Variants in PCDHGB1 observed in about 807,000 individuals in gnomAD.
The protein encoded by PCDHGB1 is protocadherin gamma subfamily B, 1, also known as protocadherin gamma-B1.
In PCDHGB1, 34 loss-of-function variants were observed where a neutral mutation model predicts 56.6. That is an observed-to-expected ratio of 0.60 (90% CI 0.46 to 0.80). The LOEUF is 0.80. Among genes scored for constraint, PCDHGB1 ranks in the 30% least tolerant of loss-of-function variants. The probability of loss-of-function intolerance (pLI) is 0.00; values close to 1 mark genes in which losing one functional copy is unlikely to be tolerated. For synonymous variants in PCDHGB1, 561 were observed against 505.9 expected, an observed-to-expected ratio of 1.11 and a Z score of -1.46; for missense variants, 1,278 against 1,204.6, an observed-to-expected ratio of 1.06 and a Z score of -0.90.
At position 141,431,123 on chromosome 5, in the gene PCDHGB1, GAAGT is replaced by G. The variant is rs751548736; in HGVS notation, c.2410-63680_2410-63677del. The G allele has an allele frequency of 1.2e-6, 2 of 1,614,100 alleles. No individual in the cohort carries two copies. The highest frequency in any genetic ancestry group is 3.3e-5 in the Admixed American group (2 of 60,014). On this transcript the variant is annotated intron_variant, in intron 1 of 3. Transcript: ENST00000523390. This position sits in a 1 kb window ranked among gnomAD's most constrained non-coding sequence, Gnocchi z 4.8. ...AGTGAAAATATATGGAGTAGAAGTA[GAAGT>G]AAGGGACATTAACGACAATGCGCCT... is the stretch of plus-strand genomic sequence containing the variant.
Position 141,487,767 on chromosome 5 carries a change from T to G in PCDHGB1, c.2410-7040T>G, listed in dbSNP as rs2099665569. The G allele has an allele frequency of 5.2e-6, 8 of 1,538,298 alleles. No homozygotes were observed. The African/African-American group carries it at 9.6e-5, about 18-fold the overall frequency. On this transcript the variant is annotated intron_variant, in intron 1 of 3. Transcript: ENST00000523390. This position sits in a 1 kb window ranked among gnomAD's most constrained non-coding sequence, Gnocchi z 5.0. ...GGTAACTATGTGGTAGACGCTGTGC[T>G]TTGTAACTGTTTCGTGAATTAACCA... is the stretch of plus-strand genomic sequence containing the variant.
intron 1 of PCDHGB1, chr5:141,414,643 C>G (rs765652709): frequency 1.2e-6 from 2 of 1,613,942 alleles, no homozygotes; most frequent in Non-Finnish European, 8.5e-7. Flanking sequence ...AGAGAATGCC[C>G]AGATTATTTA....
At chr5:141,383,469 G>A (rs1779161077) in intron 1 of PCDHGB1, 1 of 1,613,786 alleles carries the variant, frequency 6.2e-7, no homozygotes, top group South Asian at 1.1e-5. Flanking sequence ...ATGAAACTAA[G>A]TACCCGGAAC....
At chr5:141,424,715 G>A (rs1299933373) in intron 1 of PCDHGB1, 1 of 152,132 alleles carries the variant, frequency 6.6e-6, no homozygotes, top group Admixed American at 6.6e-5. Flanking sequence ...TTTCAGTGTA[G>A]TTGGGAGTCA....
chr5:141,350,755 G>C lies in PCDHGB1; in HGVS notation c.495G>C (p.Lys165Asn), dbSNP rs1263428107. The C allele has an allele frequency of 1.2e-6, 2 of 1,613,806 alleles. No individual in the cohort carries two copies. The highest frequency in any genetic ancestry group is 1.7e-6 in the Non-Finnish European group (2 of 1,179,900). Reference sequence around the variant, plus strand: ...CAGATGTGGAAGGCAATTCACTGAAGTTATACACCATCAACCCCAATCAAT... The same window carrying C: ...CAGATGTGGAAGGCAATTCACTGAACTTATACACCATCAACCCCAATCAAT... Reference protein sequence around the residue: ...QDADVEGNSLKLYTINPNQYF... With the variant: ...QDADVEGNSLNLYTINPNQYF... Residue 165 changes from lysine (K) to asparagine (N), a missense_variant, in exon 1 of 4, where the codon AAG becomes AAC. Coordinates refer to ENST00000523390, the MANE Select transcript of PCDHGB1 (RefSeq NM_018922.3).
intron 1 of PCDHGB1, chr5:141,430,688 A>G: frequency 1.4e-6 from 2 of 1,402,360 alleles, no homozygotes; most frequent in Non-Finnish European, 1.9e-6. Context: ...GTCCCATTCT[A>G]TGGGCGAAGG....
At position 141,511,574 on chromosome 5, in the gene PCDHGB1, GT is replaced by G. The variant is rs1158598698; in HGVS notation, c.*403del. ...CAGTTCCTCTTTCCCGAGTAAGGTG[GT>G]TGGGGTGTTGAAGTACCAAGTAACC... On this transcript the variant is annotated 3_prime_UTR_variant, in exon 4 of 4. Coordinates refer to ENST00000523390, the MANE Select transcript of PCDHGB1 (RefSeq NM_018922.3). 3.5e-6 allele frequency: 1 copy of G among 287,556 alleles called. No individual in the cohort carries two copies. The highest frequency in any genetic ancestry group is 2.2e-5 in the African/African-American group (1 of 46,340). 17.8% of individuals were successfully genotyped at this position (287,556 alleles called of 1,614,324 possible).
chr5:141,376,292 G>C (rs377013387), intron 1 of PCDHGB1: 30 of 1,614,038 alleles, frequency 1.9e-5, no homozygotes, highest in Middle Eastern at 3.3e-4. Flanking sequence ...GAGCATGCCC[G>C]GCTCGCACTT....
chr5:141,407,977 G>A (rs943554200), intron 1 of PCDHGB1: 7 of 747,538 alleles, frequency 9.4e-6, no homozygotes, highest in African/African-American at 8.8e-5. Context: ...TGACGCCGGG[G>A]ATCCGTCAGC....
intron 1 of PCDHGB1, among the ~76,000 whole-genome samples, chr5:141,470,459 AT>A: frequency 6.6e-6 from 1 of 152,096 alleles, no homozygotes; most frequent in East Asian, 1.9e-4. Flanking sequence ...CTTGAATAGG[AT>A]TTTCTGATAT....
intron 1 of PCDHGB1, among the ~76,000 whole-genome samples, chr5:141,494,399 T>A (rs2099754028): frequency 6.6e-6 from 1 of 152,146 alleles, no homozygotes; most frequent in South Asian, 2.1e-4. Context: ...ATAAATTCAT[T>A]CTAGGGCTGG....
intron 1 of PCDHGB1, chr5:141,359,962 A>C (rs1174665843): frequency 1.7e-6 from 1 of 602,426 alleles, no homozygotes; most frequent in African/African-American, 1.9e-5. Context: ...GAACGAAGAG[A>C]AGCGTTTGGG....
chr5:141,372,357 T>C (rs756040915), intron 1 of PCDHGB1: 19 of 1,613,806 alleles, frequency 1.2e-5, no homozygotes, highest in Non-Finnish European at 1.4e-5. Context: ...GCAGCCTCTT[T>C]CAGCCACCGT....
chr5:141,462,462 T>G (rs570804965), intron 1 of PCDHGB1, among the ~76,000 whole-genome samples: 1 of 152,346 alleles, frequency 6.6e-6, no homozygotes, highest in Middle Eastern at 3.4e-3. Flanking sequence ...CTGAAAACTG[T>G]GTATTCTGCT....
intron 1 of PCDHGB1, chr5:141,392,578 A>G: frequency 2.2e-6 from 1 of 461,792 alleles, no homozygotes; most frequent in Non-Finnish European, 3.8e-6. Context: ...TTAGGACTGT[A>G]AGCGCCGCTG....
intron 1 of PCDHGB1, among the ~76,000 whole-genome samples, chr5:141,472,042 T>C (rs2099270232): frequency 2.0e-5 from 3 of 152,146 alleles, no homozygotes; most frequent in African/African-American, 7.2e-5. Context: ...TGTGAAAAGA[T>C]TTTAAAAATG....
At position 141,361,169 on chromosome 5, in the gene PCDHGB1, C is replaced by T. The variant is rs1761915168; in HGVS notation, c.2409+8500C>T. 1.9e-6 allele frequency: 3 copies of T among 1,613,908 alleles called. No homozygotes were observed. The East Asian group carries it at 6.7e-5, about 36-fold the overall frequency. On this transcript the variant is annotated intron_variant, in intron 1 of 3. Coordinates refer to ENST00000523390, the MANE Select transcript of PCDHGB1 (RefSeq NM_018922.3). ...ATTCTTGATGACAACGATTGTGCAC[C>T]TGAAGTTATTGTGACTTCAGTATCT...
At chr5:141,506,969 A>G (rs923725359) in intron 3 of PCDHGB1, 7 of 152,208 alleles carry the variant, frequency 4.6e-5, no homozygotes, top group Non-Finnish European at 8.8e-5. Flanking sequence ...ATAGCTCTGC[A>G]AGGCAGGTCT....
intron 1 of PCDHGB1, chr5:141,393,436 A>G: frequency 1.2e-6 from 2 of 1,614,028 alleles, no homozygotes; most frequent in Middle Eastern, 1.6e-4. Flanking sequence ...GAGGCTGCTC[A>G]CCACCTGGTC....
Sources: allele counts gnomAD v4.1 joint callset (sites outside exome capture counted in the v4.1 genomes callset), GRCh38; gene constraint gnomAD v4.1.1; non-coding constraint Gnocchi (gnomAD v3.1); transcripts MANE v1.5; gene names NCBI Gene and HGNC (gene_info 2026-07-23, HGNC 2026-07-21).